The following PBRM1 variants were observed in gnomAD, a reference collection of about 807,000 sequenced individuals.
PBRM1 encodes polybromo 1.
PBRM1 carries 27 observed loss-of-function variants against 194.5 expected under a neutral mutation model. The observed-to-expected ratio is 0.14, with a 90% CI of 0.10 to 0.19. The LOEUF (loss-of-function observed/expected upper bound fraction) is 0.19, where lower values mean the gene tolerates loss of function less well. Ranked by LOEUF, PBRM1 falls within the 10% of genes least tolerant of loss-of-function variation. The pLI, the probability that PBRM1 is intolerant of heterozygous loss-of-function variation, is 1.00. For missense variants in PBRM1, 1,466 were observed against 2,077.2 expected (o/e 0.71, Z 5.72); for synonymous variants, 655 against 693.2 (o/e 0.94, Z 0.87).
At chr3:52,658,139 A>ATTCT (rs1456412832) in intron 5 of PBRM1, 60 bp downstream of exon 6, 1 of 821,890 alleles carries the variant, frequency 1.2e-6, no homozygotes, top group East Asian at 2.5e-5. Flanking sequence ...AATTAATACA[A>ATTCT]TTCTTGAAGT....
At chr3:52,603,337 T>C (rs1381488059) in intron 17 of PBRM1, among the ~76,000 whole-genome samples, 184 bp downstream of exon 19, 2 of 152,260 alleles carry the variant, frequency 1.3e-5, no homozygotes, top group Non-Finnish European at 2.9e-5. Context: ...ACTTTTAATC[T>C]TTCCCAGGTC....
intron 26 of PBRM1, 106 bp downstream of exon 28, chr3:52,558,143 C>T (rs1003392667): frequency 6.8e-5 from 52 of 761,536 alleles, no homozygotes; most frequent in Non-Finnish European, 1.0e-4. Context: ...AACTTTGAAT[C>T]TGTCATGAGA....
chr3:52,593,744 T>A (rs2093318781), intron 17 of PBRM1, among the ~76,000 whole-genome samples: 1 of 152,154 alleles, frequency 6.6e-6, no homozygotes, highest in East Asian at 1.9e-4. Context: ...TGGTTTTGAG[T>A]GATTTTGTCT....
intron 29 of PBRM1, among the ~76,000 whole-genome samples, 184 bp from the exon 32 acceptor site, chr3:52,548,419 T>C (rs1292214458): frequency 1.3e-5 from 2 of 151,976 alleles, no homozygotes; most frequent in Admixed American, 6.6e-5. Flanking sequence ...ACTAAAAGAT[T>C]TGATCATAAA....
At chr3:52,634,435 C>CAAAAA (rs370025797) in intron 11 of PBRM1, among the ~76,000 whole-genome samples, 167 bp downstream of exon 12, 2 of 46,340 alleles carry the variant, frequency 4.3e-5, no homozygotes, top group Non-Finnish European at 9.3e-5. Flanking sequence ...GACTCCGTCT[C>CAAAAA]AAAAAAAAAA....
chr3:52,680,676 T>G (rs557706998), upstream of PBRM1, among the ~76,000 whole-genome samples: 1 of 152,220 alleles, frequency 6.6e-6, no homozygotes, highest in East Asian at 1.9e-4. Context: ...TCTTTCTTTT[T>G]TAGGTGGAGT....
chr3:52,558,232 T>G lies in PBRM1; in HGVS notation c.4453+17A>C. 6.7e-7 allele frequency: 1 copy of G among 1,498,140 alleles called. No homozygotes were observed. 92.8% of individuals were successfully genotyped at this position (1,498,140 alleles called of 1,614,324 possible). A position where few individuals can be genotyped will look rare whatever the true frequency, so the allele number is the denominator to read the frequency against. On this transcript the variant is annotated intron_variant, in intron 26 of 29. Coordinates refer to ENST00000296302, the Ensembl canonical transcript of PBRM1. Reference sequence around the variant, plus strand: ...TTTCTTAAAGTGGAAAAAAATGGTCTTAGCTCCTGTTTTTACCTGCAACAG... The same window carrying G: ...TTTCTTAAAGTGGAAAAAAATGGTCGTAGCTCCTGTTTTTACCTGCAACAG...
intron 17 of PBRM1, among the ~76,000 whole-genome samples, chr3:52,593,006 C>T (rs1424783924): frequency 6.6e-6 from 1 of 152,058 alleles, no homozygotes; most frequent in African/African-American, 2.4e-5. Context: ...TGGCAACACC[C>T]GCTTTGTTGT....
In PBRM1 at chr3:52,586,555, A is replaced by G. The variant is rs771737225; in HGVS notation, c.3257T>C (p.Val1086Ala). The G allele has an allele frequency of 1.4e-5, 23 of 1,614,126 alleles. No individual in the cohort carries two copies. The East Asian group carries it at 4.7e-4, about 33-fold the overall frequency. The change falls in exon 20 of 30, where the codon GTC (valine) becomes GCC (alanine). Residue 1086 changes from valine (V) to alanine (A), a missense_variant. Coordinates refer to ENST00000296302, the Ensembl canonical transcript of PBRM1. ...CACAGGCAGAGGCACATCCCGAGGG[A>G]CAAACCTGACTGAGCTGATGGGCAT...
At chr3:52,662,726 T>C (rs2096749948) in intron 3 of PBRM1, among the ~76,000 whole-genome samples, 2 of 150,936 alleles carry the variant, frequency 1.3e-5, no homozygotes, top group South Asian at 4.2e-4. Flanking sequence ...CTTGGGAGGC[T>C]GAGGCAGGAG....
At chr3:52,593,284 GCTCTGT>G (rs976372035) in intron 17 of PBRM1, among the ~76,000 whole-genome samples, 3 of 151,684 alleles carry the variant, frequency 2.0e-5, no homozygotes, top group South Asian at 2.1e-4. Context: ...CAAGAGTCTT[GCTCTGT>G]CACCCAGGCT....
chr3:52,561,506 G>A (rs1284549122), intron 25 of PBRM1, among the ~76,000 whole-genome samples: 1 of 152,170 alleles, frequency 6.6e-6, no homozygotes, highest in Non-Finnish European at 1.5e-5. Flanking sequence ...AAAAAATCAT[G>A]CAATTTTTAG....
chr3:52,581,664 A>C (rs2091242263), intron 20 of PBRM1, among the ~76,000 whole-genome samples: 1 of 149,450 alleles, frequency 6.7e-6, no homozygotes, highest in African/African-American at 2.5e-5. Context: ...TTTGATACGG[A>C]GTCTCCCTCT....
chr3:52,628,935 C>T (rs2153595628), exon 12 of PBRM1: 3 of 1,613,758 alleles, frequency 1.9e-6, no homozygotes, highest in Non-Finnish European at 1.7e-6. Context: ...TTGTAGATGG[C>T]TGAATTGGGC....
intron 13 of PBRM1, among the ~76,000 whole-genome samples, chr3:52,621,634 C>T: frequency 6.6e-6 from 1 of 152,290 alleles, no homozygotes; most frequent in Admixed American, 6.5e-5. Context: ...AATCACAGGT[C>T]TTGTAACTGG....
At chr3:52,591,521 T>G (rs1388034100) in intron 17 of PBRM1, among the ~76,000 whole-genome samples, 4 of 137,326 alleles carry the variant, frequency 2.9e-5, no homozygotes, top group Non-Finnish European at 6.3e-5. Context: ...GTTTTTTTTT[T>G]TTTTTTTTTT....
At chr3:52,627,349 T>C (rs145261114) in exon 13 of PBRM1, 3 of 1,612,992 alleles carry the variant, frequency 1.9e-6, no homozygotes, top group Non-Finnish European at 2.5e-6. Flanking sequence ...TCGTCTCTCC[T>C]GGCAAGCTCT....
At chr3:52,569,162 GATAA>G (rs1428262629) in intron 22 of PBRM1, among the ~76,000 whole-genome samples, 1 of 151,356 alleles carries the variant, frequency 6.6e-6, no homozygotes, top group Non-Finnish European at 1.5e-5. Flanking sequence ...TGCTGGGATT[GATAA>G]CAGGAGTGAG....
At chr3:52,546,115 C>T (rs555608104), downstream of PBRM1, 69 of 232,610 alleles carry the variant, frequency 3.0e-4, no homozygotes, top group South Asian at 0.01. Flanking sequence ...TAATGACCCA[C>T]GTGGCCCCCA....
Sources: allele counts gnomAD v4.1 joint callset (sites outside exome capture counted in the v4.1 genomes callset), GRCh38; gene constraint gnomAD v4.1.1; transcripts MANE v1.5; gene names NCBI Gene and HGNC (gene_info 2026-07-23, HGNC 2026-07-21).